ZNF324B: variants seen among roughly 807,000 people sequenced by gnomAD.
ZNF324B encodes zinc finger protein 324B.
ZNF324B carries 7 observed loss-of-function variants against 10.6 expected under a neutral mutation model. The observed-to-expected ratio is 0.66, with a 90% CI of 0.38 to 1.24. The LOEUF (loss-of-function observed/expected upper bound fraction) is 1.24, where lower values mean the gene tolerates loss of function less well. Ranked by LOEUF, ZNF324B falls within the 50% of genes most tolerant of loss-of-function variation. ZNF324B has a pLI of 0.02. For missense variants in ZNF324B, 640 were observed against 764.7 expected (o/e 0.84, Z 1.92); for synonymous variants, 316 against 321.0 (o/e 0.98, Z 0.17).
At chr19:58,433,760 A>G in the ZNF324B span, 8 of 1,614,114 alleles carry the variant, frequency 5.0e-6, no homozygotes, top group Non-Finnish European at 5.9e-6. Context: ...TGAACTCTCC[A>G]GTGTTCAATG....
rs376397248 is a variant in ZNF324B at position 58,455,510 on chromosome 19, C to T, written c.566C>T (p.Pro189Leu). 1.2e-6 allele frequency: 2 copies of T among 1,614,048 alleles called. No homozygotes were observed. Among genetic ancestry groups the T allele is most frequent in the Middle Eastern group, 1.6e-4 (1 of 6,062 alleles). Residue 189 changes from proline (P) to leucine (L), a missense_variant, in exon 4 of 4, where the codon CCC (proline) becomes CTC (leucine). Coordinates refer to ENST00000336614, the MANE Select transcript of ZNF324B (RefSeq NM_207395.3). This position sits in a 1 kb window ranked among gnomAD's most constrained non-coding sequence, Gnocchi z 7.0. Reference sequence around the variant, plus strand: ...GAGTACCGGGTGCCTGGGAGGCAGCCCAGGACGCCTGAGCGGCAGAAGCCA... The same window carrying T: ...GAGTACCGGGTGCCTGGGAGGCAGCTCAGGACGCCTGAGCGGCAGAAGCCA... The part of the protein sequence containing the change: ...FTEYRVPGRQ[P>L]RTPERQKPCA...
the ZNF324B span, among the ~76,000 whole-genome samples, chr19:58,424,436 G>T: frequency 6.6e-6 from 1 of 152,154 alleles, no homozygotes; most frequent in African/African-American, 2.4e-5. Context: ...GAACAAATAT[G>T]CTTTGAAAGA....
the ZNF324B span, among the ~76,000 whole-genome samples, chr19:58,438,359 A>G: frequency 6.6e-6 from 1 of 152,080 alleles, no homozygotes; most frequent in African/African-American, 2.4e-5. Flanking sequence ...TGGCACCTCA[A>G]TTTGGTAGTG....
At chr19:58,432,985 G>T in the ZNF324B span, 13 of 190,408 alleles carry the variant, frequency 6.8e-5, no homozygotes, top group Non-Finnish European at 1.2e-4. Flanking sequence ...TTCCCTCAAG[G>T]CCCCTCAACC....
chr19:58,438,796 A>C, the ZNF324B span, among the ~76,000 whole-genome samples: 2 of 141,458 alleles, frequency 1.4e-5, no homozygotes, highest in African/African-American at 5.3e-5. Flanking sequence ...TTTAAGACAG[A>C]GTCTCGCTCT....
chr19:58,453,932 A>G, intron 2 of ZNF324B, 110 bp downstream of exon 2: 1 of 1,477,048 alleles, frequency 6.8e-7, no homozygotes, highest in Non-Finnish European at 9.1e-7. Context: ...GCCACGTGGA[A>G]CAAGGGTCTG....
At chr19:58,443,828 C>T in the ZNF324B span, 1 of 152,240 alleles carries the variant, frequency 6.6e-6, no homozygotes, top group Non-Finnish European at 1.5e-5. Context: ...AGCTATATAC[C>T]TGCATAGGTG....
the ZNF324B span, among the ~76,000 whole-genome samples, chr19:58,424,638 G>A: frequency 2.0e-5 from 3 of 152,106 alleles, no homozygotes; most frequent in African/African-American, 7.2e-5. Flanking sequence ...TCTAATATAA[G>A]TGTGATAAAT....
In ZNF324B at chr19:58,456,913, G is replaced by C. The variant is rs1387870656; in HGVS notation, c.*334G>C. ...ATGGTGGTGCTACTTCATGTGTTAT[G>C]AGAGTGGATGCTGAGGTGAGGGGGA... On this transcript the variant is annotated 3_prime_UTR_variant, in exon 4 of 4. Transcript: ENST00000336614. This position sits in a 1 kb window ranked among gnomAD's most constrained non-coding sequence, Gnocchi z 4.7. 5.0e-6 allele frequency: 2 copies of C among 398,992 alleles called. No individual in the cohort carries two copies. The highest frequency in any genetic ancestry group is 9.2e-6 in the Non-Finnish European group (2 of 217,500). 24.7% of individuals were successfully genotyped at this position (398,992 alleles called of 1,614,324 possible). A position where few individuals can be genotyped will look rare whatever the true frequency, so the allele number is the denominator to read the frequency against.
the ZNF324B span, chr19:58,432,993 A>G: frequency 3.1e-6 from 1 of 321,498 alleles, no homozygotes; most frequent in Non-Finnish European, 5.7e-6. Context: ...AGGCCCCTCA[A>G]CCAGCATCGG....
Position 58,453,813 on chromosome 19 carries a change from A to C in ZNF324B, c.112A>C (p.Thr38Pro). The C allele has an allele frequency of 4.3e-6, 7 of 1,613,864 alleles. No homozygotes were observed. Among genetic ancestry groups the C allele is most frequent in the Non-Finnish European group, 5.9e-6 (7 of 1,179,876 alleles). ...HVMLENFTLV[T>P]SLGLSTSRPR... Reference sequence around the variant, plus strand: ...GATGCTGGAAAACTTCACACTTGTGACCTCACTTGGTAAGGCCCTGGGTGC... The same window carrying C: ...GATGCTGGAAAACTTCACACTTGTGCCCTCACTTGGTAAGGCCCTGGGTGC... Residue 38 changes from threonine to proline, a missense_variant, in exon 2 of 4, where the codon ACC becomes CCC. This residue lies in a region of ZNF324B where 345 missense variants were observed against 387.9 expected (regional missense o/e 0.89). Transcript: ENST00000336614.
At chr19:58,427,452 CCCTT>C in the ZNF324B span, among the ~76,000 whole-genome samples, 881 of 47,026 alleles carry the variant, frequency 0.019, 52 homozygotes, top group South Asian at 0.04. Context: ...CCTTTCCTTT[CCCTT>C]CCTTCCTTCC....
At chr19:58,445,847 A>C in the ZNF324B span, 2 of 182,320 alleles carry the variant, frequency 1.1e-5, no homozygotes, top group Non-Finnish European at 2.2e-5. Context: ...AACAAACAAA[A>C]AACACAGCTG....
chr19:58,426,118 A>C, the ZNF324B span, among the ~76,000 whole-genome samples: 4 of 152,168 alleles, frequency 2.6e-5, no homozygotes, highest in Admixed American at 6.5e-5. Flanking sequence ...CTGAGTCATT[A>C]GTTGTCAGGC....
At chr19:58,440,265 A>T in the ZNF324B span, 47,280 of 214,396 alleles carry the variant, frequency 0.22, 6,051 homozygotes, top group East Asian at 0.41. Flanking sequence ...TATGCCCGTC[A>T]CGCTACTGCT....
the ZNF324B span, among the ~76,000 whole-genome samples, chr19:58,427,378 C>CTT: frequency 2.2e-5 from 1 of 44,544 alleles, no homozygotes; most frequent in East Asian, 9.7e-4. Flanking sequence ...TTCTTTCTTT[C>CTT]TTTCTTTCTT....
the ZNF324B span, chr19:58,435,515 T>G: frequency 8.1e-6 from 2 of 247,780 alleles, no homozygotes; most frequent in Non-Finnish European, 1.6e-5. Flanking sequence ...TGAAAAGAAG[T>G]TCAGCATCCT....
chr19:58,434,722 C>T, the ZNF324B span: 15 of 1,614,072 alleles, frequency 9.3e-6, no homozygotes, highest in Non-Finnish European at 1.3e-5. Context: ...GGCTTTTCCA[C>T]AGTTGCTGCA....
At chr19:58,424,576 A>C in the ZNF324B span, among the ~76,000 whole-genome samples, 1 of 152,232 alleles carries the variant, frequency 6.6e-6, no homozygotes, top group Non-Finnish European at 1.5e-5. Context: ...TGAAAAAGAC[A>C]AACATACAAA....
Sources: gnomAD v4.1 joint callset for allele counts (sites outside exome capture counted in the v4.1 genomes callset) on GRCh38, gnomAD v4.1.1 for gene constraint, gnomAD v4.1.1 regional missense constraint, Gnocchi (gnomAD v3.1) non-coding constraint, MANE v1.5 for transcripts, NCBI Gene and HGNC (gene_info 2026-07-23, HGNC 2026-07-21) for gene names.